The following TPST1 variants were observed in gnomAD, a reference collection of about 807,000 sequenced individuals.
The protein encoded by TPST1 is protein-tyrosine sulfotransferase 1.
TPST1 carries 20 observed loss-of-function variants against 34.8 expected under a neutral mutation model. The observed-to-expected ratio is 0.57, with a 90% confidence interval of 0.40 to 0.84. TPST1 has a LOEUF of 0.84. Ranked by LOEUF, TPST1 falls within the 40% of genes least tolerant of loss-of-function variation. The pLI is 0.00. For missense variants in TPST1, 353 were observed against 455.5 expected, an observed-to-expected ratio of 0.78 and a Z score of 2.05; for synonymous variants, 152 against 159.4, an observed-to-expected ratio of 0.95 and a Z score of 0.35.
intron 3 of TPST1, among the ~76,000 whole-genome samples, chr7:66,333,389 C>T (rs1328943086): frequency 2.0e-5 from 3 of 152,126 alleles, no homozygotes; most frequent in Non-Finnish European, 4.4e-5. Context: ...TCTTTTAGGT[C>T]TTATGTAGTG....
At chr7:66,348,566 G>A (rs1215296724) in intron 3 of TPST1, among the ~76,000 whole-genome samples, 2 of 152,176 alleles carry the variant, frequency 1.3e-5, no homozygotes, top group Admixed American at 1.3e-4. Flanking sequence ...GGGAGGGTTT[G>A]TAGAAACATT....
At chr7:66,313,615 C>T (rs968430701) in intron 3 of TPST1, among the ~76,000 whole-genome samples, 4 of 152,074 alleles carry the variant, frequency 2.6e-5, no homozygotes, top group African/African-American at 7.2e-5. Flanking sequence ...CTATATCGTT[C>T]CTCATATTTT....
At chr7:66,307,863 G>C (rs1791454403) in intron 3 of TPST1, among the ~76,000 whole-genome samples, 1 of 152,160 alleles carries the variant, frequency 6.6e-6, no homozygotes, top group South Asian at 2.1e-4. Context: ...TGTCCACTTG[G>C]TTATTGAGAG....
intron 3 of TPST1, among the ~76,000 whole-genome samples, chr7:66,337,714 G>A (rs932109759): frequency 6.6e-6 from 1 of 152,152 alleles, no homozygotes; most frequent in African/African-American, 2.4e-5. Context: ...AAATGGCAAT[G>A]GCGGTGTTAA....
intron 3 of TPST1, among the ~76,000 whole-genome samples, chr7:66,338,184 C>T (rs1021578819): frequency 1.3e-5 from 2 of 151,804 alleles, no homozygotes; most frequent in African/African-American, 2.4e-5. Context: ...AGCAAGAGAG[C>T]CTATAGTTTT....
At chr7:66,274,234 G>C (rs1298038551) in intron 2 of TPST1, among the ~76,000 whole-genome samples, 4 of 151,932 alleles carry the variant, frequency 2.6e-5, no homozygotes, top group Admixed American at 2.6e-4. Flanking sequence ...CAGGTGTGGT[G>C]GTGGGTGCCT....
chr7:66,314,156 C>A (rs902511564), intron 3 of TPST1, among the ~76,000 whole-genome samples: 2 of 152,196 alleles, frequency 1.3e-5, no homozygotes, highest in Admixed American at 6.5e-5. Flanking sequence ...ATCTGTCACA[C>A]CGTTGATGTT....
At chr7:66,215,156 G>T (rs916586546) in intron 1 of TPST1, among the ~76,000 whole-genome samples, 2 of 147,532 alleles carry the variant, frequency 1.4e-5, no homozygotes, top group Non-Finnish European at 3.0e-5. Context: ...CCGGGTTCAA[G>T]CCATTCTCCT....
intron 3 of TPST1, among the ~76,000 whole-genome samples, chr7:66,336,092 C>T (rs868482091): frequency 5.9e-5 from 9 of 152,228 alleles, no homozygotes; most frequent in Middle Eastern, 3.4e-3. Flanking sequence ...GGGCAGATCA[C>T]GAGGTCAGGG....
At chr7:66,238,664 T>A (rs531899851) in intron 1 of TPST1, among the ~76,000 whole-genome samples, 1 of 152,336 alleles carries the variant, frequency 6.6e-6, no homozygotes, top group African/African-American at 2.4e-5. Context: ...TCCACTTTAC[T>A]AGAAATCTGT....
chr7:66,219,933 G>A (rs1048878641), intron 1 of TPST1, among the ~76,000 whole-genome samples: 1 of 152,056 alleles, frequency 6.6e-6, no homozygotes, highest in African/African-American at 2.4e-5. Flanking sequence ...AGCAATGTAA[G>A]GGATTGCAAA....
At chr7:66,293,079 G>A (rs1253544150) in intron 3 of TPST1, among the ~76,000 whole-genome samples, 2 of 151,986 alleles carry the variant, frequency 1.3e-5, no homozygotes, top group African/African-American at 2.4e-5. Context: ...GGTGGTGGGC[G>A]CCTGTAGTCC....
At chr7:66,356,915 G>A (rs566593890) in intron 5 of TPST1, 44 bp downstream of exon 5, 61 of 1,606,332 alleles carry the variant, frequency 3.8e-5, no homozygotes, top group South Asian at 2.5e-4. Context: ...TTTCCCACTC[G>A]GGCTCTTGCA....
At chr7:66,331,109 G>A (rs771385153) in intron 3 of TPST1, among the ~76,000 whole-genome samples, 9 of 152,292 alleles carry the variant, frequency 5.9e-5, no homozygotes, top group Non-Finnish European at 8.8e-5. Flanking sequence ...TTCACTGGCT[G>A]TTGGCTGGAG....
chr7:66,230,470 C>A (rs1789758201), intron 1 of TPST1, among the ~76,000 whole-genome samples: 1 of 152,112 alleles, frequency 6.6e-6, no homozygotes. Flanking sequence ...TTCGGAGTTT[C>A]TTCCTTCTGG....
intron 1 of TPST1, among the ~76,000 whole-genome samples, chr7:66,217,455 T>G (rs1789447136): frequency 6.6e-6 from 1 of 152,236 alleles, no homozygotes; most frequent in Non-Finnish European, 1.5e-5. Context: ...TTTGTCTCTT[T>G]TGTGGTAACA....
At chr7:66,298,641 T>C (rs1446609347) in intron 3 of TPST1, among the ~76,000 whole-genome samples, 1 of 152,238 alleles carries the variant, frequency 6.6e-6, no homozygotes, top group Non-Finnish European at 1.5e-5. Flanking sequence ...TCTTGCTATT[T>C]GTTTTTTATT....
chr7:66,316,883 G>A (rs1791643225), intron 3 of TPST1, among the ~76,000 whole-genome samples: 1 of 152,126 alleles, frequency 6.6e-6, no homozygotes, highest in South Asian at 2.1e-4. Context: ...GAGAACACAT[G>A]GACACATGGC....
intron 3 of TPST1, among the ~76,000 whole-genome samples, chr7:66,329,134 AG>A (rs1791946188): frequency 6.6e-6 from 1 of 151,372 alleles, no homozygotes; most frequent in South Asian, 2.1e-4. Context: ...GCTGTTCTCG[AG>A]CTCCTGGAAC....
Sources: allele counts gnomAD v4.1 joint callset (sites outside exome capture counted in the v4.1 genomes callset), GRCh38; gene constraint gnomAD v4.1.1; transcripts MANE v1.5; gene names NCBI Gene and HGNC (gene_info 2026-07-23, HGNC 2026-07-21).